Variants in BMPR1B observed in about 807,000 individuals in gnomAD.
The protein encoded by BMPR1B is bone morphogenetic protein receptor type 1B, also known as bone morphogenetic protein receptor type-1B.
A neutral mutation model predicts 59.1 loss-of-function variants in BMPR1B; 12 were observed. The observed-to-expected ratio is 0.20, with a 90% CI of 0.13 to 0.33. The LOEUF is 0.33. Ranked by LOEUF, BMPR1B falls within the 10% of genes least tolerant of loss-of-function variation. BMPR1B has a pLI of 1.00. For missense variants in BMPR1B, 550 were observed against 610.9 expected (o/e 0.90, Z 1.05); for synonymous variants, 237 against 207.3 (o/e 1.14, Z -1.23).
intron 2 of BMPR1B, among the ~76,000 whole-genome samples, chr4:94,909,515 G>A (rs147851255): frequency 1.3e-3 from 202 of 152,120 alleles, no homozygotes; most frequent in Non-Finnish European, 1.9e-3. Flanking sequence ...TTGTAAAGAT[G>A]AAAAGATTCC....
intron 1 of BMPR1B, among the ~76,000 whole-genome samples, chr4:94,826,109 G>A (rs1724372861): frequency 6.6e-6 from 1 of 151,978 alleles, no homozygotes; most frequent in African/African-American, 2.4e-5. Context: ...ATTTGATAAG[G>A]GCCAGTCAAT....
chr4:94,770,186 G>GTTTTTTTTTT (rs56902521), intron 1 of BMPR1B, among the ~76,000 whole-genome samples: 2 of 54,138 alleles, frequency 3.7e-5, no homozygotes, highest in African/African-American at 6.3e-5. Context: ...TTCTGTGTTT[G>GTTTTTTTTTT]TTTTTTTTTT....
At chr4:94,901,569 A>G (rs965371560) in intron 2 of BMPR1B, among the ~76,000 whole-genome samples, 2 of 151,998 alleles carry the variant, frequency 1.3e-5, no homozygotes, top group Admixed American at 1.3e-4. Flanking sequence ...TTGACCATGT[A>G]TTCACTTCCC....
chr4:94,846,778 A>G (rs953782632), intron 1 of BMPR1B, among the ~76,000 whole-genome samples: 2 of 152,044 alleles, frequency 1.3e-5, no homozygotes, highest in African/African-American at 4.8e-5. Context: ...GAACCCTAAT[A>G]CAGTATACGA....
chr4:95,011,204 C>G (rs1723203019), intron 3 of BMPR1B, among the ~76,000 whole-genome samples: 1 of 151,964 alleles, frequency 6.6e-6, no homozygotes, highest in African/African-American at 2.4e-5. Context: ...AGCCCAGTCC[C>G]CAATAGTTAT....
chr4:94,766,977 T>G (rs1023963655), intron 1 of BMPR1B, among the ~76,000 whole-genome samples: 4 of 152,140 alleles, frequency 2.6e-5, no homozygotes, highest in Admixed American at 2.0e-4. Context: ...TTCTCGGAAA[T>G]TGGAACCACC....
intron 3 of BMPR1B, among the ~76,000 whole-genome samples, chr4:95,072,424 C>T (rs1189648115): frequency 6.6e-6 from 1 of 152,126 alleles, no homozygotes. Flanking sequence ...CACATTTATT[C>T]AATCAGGAAG....
chr4:95,067,728 T>A (rs1727945250), intron 3 of BMPR1B, among the ~76,000 whole-genome samples: 1 of 152,236 alleles, frequency 6.6e-6, no homozygotes, highest in South Asian at 2.1e-4. Context: ...AAGCATATAA[T>A]GACTTGAAGA....
intron 3 of BMPR1B, among the ~76,000 whole-genome samples, chr4:95,085,439 TCAAAGAATAC>T (rs1279052309): frequency 6.6e-6 from 1 of 152,138 alleles, no homozygotes. Context: ...CATCTGGGTC[TCAAAGAATAC>T]CAAAGTTTTT....
At chr4:94,792,298 T>C (rs1367644550) in intron 1 of BMPR1B, among the ~76,000 whole-genome samples, 1 of 152,176 alleles carries the variant, frequency 6.6e-6, no homozygotes, top group Non-Finnish European at 1.5e-5. Flanking sequence ...AATGGGGCTG[T>C]TTGTCCCTTC....
rs1258894445 is a variant in BMPR1B at position 94,871,952 on chromosome 4, G to A, written c.-182-3879G>A. Among the ~76,000 whole-genome samples the A allele has an allele frequency of 3.9e-5, 6 of 152,340 alleles. No homozygotes were observed. The East Asian group carries it at 1.2e-3, about 29-fold the overall frequency. On this transcript the variant is annotated intron_variant, in intron 1 of 12. Coordinates refer to ENST00000515059, the MANE Select transcript of BMPR1B (RefSeq NM_001203.3). ...CTTACTCATGTTGTAACACTTTTCT[G>A]TAATTTACCTCAATTTCTAAGGTCG...
chr4:94,786,624 C>T (rs960859415), intron 1 of BMPR1B, among the ~76,000 whole-genome samples: 5 of 152,098 alleles, frequency 3.3e-5, no homozygotes, highest in East Asian at 1.9e-4. Context: ...CTGCAAGCTC[C>T]GCCTCCCGGA....
At chr4:94,842,637 C>A (rs115976831) in intron 1 of BMPR1B, among the ~76,000 whole-genome samples, 330 of 152,178 alleles carry the variant, frequency 2.2e-3, no homozygotes, top group African/African-American at 7.6e-3. Context: ...CTCACTGCAA[C>A]CTCCAGAGGA....
chr4:95,098,973 C>A (rs1730631387), intron 3 of BMPR1B, among the ~76,000 whole-genome samples: 1 of 152,188 alleles, frequency 6.6e-6, no homozygotes. Flanking sequence ...GCCTCAGCCT[C>A]CCAAAGCGCT....
chr4:94,892,637 CTT>C (rs2148991809), intron 2 of BMPR1B, among the ~76,000 whole-genome samples: 1 of 152,076 alleles, frequency 6.6e-6, no homozygotes, highest in South Asian at 2.1e-4. Context: ...AGTAAGGAGA[CTT>C]TACAGAAGAT....
chr4:94,804,304 A>T (rs1324551124), intron 1 of BMPR1B, among the ~76,000 whole-genome samples: 1 of 152,222 alleles, frequency 6.6e-6, no homozygotes, highest in Non-Finnish European at 1.5e-5. Context: ...GTTTAAAATT[A>T]TTCATTTTAA....
At chr4:95,035,821 A>T (rs577905468) in intron 3 of BMPR1B, among the ~76,000 whole-genome samples, 110 of 152,240 alleles carry the variant, frequency 7.2e-4, no homozygotes, top group African/African-American at 2.6e-3. Context: ...GTGAAGAACG[A>T]TGATGATATT....
In BMPR1B at chr4:94,896,559, C is replaced by T. The variant is rs146578836; in HGVS notation, c.-113+20659C>T. 1.7e-3 allele frequency among the ~76,000 whole-genome samples: 262 copies of T among 152,020 alleles called. 2 individuals are homozygous for T. Among genetic ancestry groups the T allele is most frequent in the African/African-American group, 5.9e-3 (244 of 41,502 alleles). On this transcript the variant is annotated intron_variant, in intron 2 of 12. Coordinates refer to ENST00000515059, the MANE Select transcript of BMPR1B (RefSeq NM_001203.3). ...AAACAGTGTAAAAAAATAGAGCTCC[C>T]TAGAGCATATGTATAAATATAAAAT...
intron 3 of BMPR1B, among the ~76,000 whole-genome samples, chr4:95,006,418 A>G (rs1215954708): frequency 2.0e-5 from 3 of 151,162 alleles, no homozygotes; most frequent in Non-Finnish European, 2.9e-5. Context: ...TAATAATTCT[A>G]TGTGATGGCT....
Sources: gnomAD v4.1 joint callset for allele counts (sites outside exome capture counted in the v4.1 genomes callset) on GRCh38, gnomAD v4.1.1 for gene constraint, MANE v1.5 for transcripts, NCBI Gene and HGNC (gene_info 2026-07-23, HGNC 2026-07-21) for gene names.